MRTFA: variants seen among roughly 807,000 people sequenced by gnomAD.
MRTFA encodes myocardin related transcription factor A, also known as myocardin-related transcription factor A.
In MRTFA, 20 loss-of-function variants were observed where a neutral mutation model predicts 83.5. The ratio of observed to expected loss-of-function variants is 0.24; its 90% CI spans 0.17 to 0.35. MRTFA has a LOEUF of 0.35. MRTFA is among the 10% of genes least tolerant of loss of function. The probability of loss-of-function intolerance (pLI) is 1.00; values close to 1 mark genes in which losing one functional copy is unlikely to be tolerated. For missense variants in MRTFA, 1,200 were observed against 1,224.7 expected (o/e 0.98, Z 0.30); for synonymous variants, 659 against 541.2 (o/e 1.22, Z -3.02).
At chr22:40,461,569 G>A (rs1477409216) in intron 4 of MRTFA, among the ~76,000 whole-genome samples, 1 of 150,150 alleles carries the variant, frequency 6.7e-6, no homozygotes, top group Non-Finnish European at 1.5e-5. Context: ...AGGATCACGA[G>A]GCCAAGAGAT....
At chr22:40,470,229 TTTTATATATATATATATATATA>T (rs1326451087) in intron 3 of MRTFA, among the ~76,000 whole-genome samples, 1,840 of 58,756 alleles carry the variant, frequency 0.031, 65 homozygotes, top group East Asian at 0.077. Context: ...ATCTCCAAAA[TTTTATATATATATATATATATA>T]TATATATATA....
At chr22:40,471,000 T>C (rs2053901130) in intron 3 of MRTFA, among the ~76,000 whole-genome samples, 1 of 151,684 alleles carries the variant, frequency 6.6e-6, no homozygotes, top group Non-Finnish European at 1.5e-5. Context: ...TCAATAGTCA[T>C]AAAAGTTTGT....
Position 40,419,086 on chromosome 22 carries a change from G to A in MRTFA, c.1652C>T (p.Pro551Leu). The change falls in exon 12 of 15, where the codon CCC becomes CTC. Residue 551 changes from proline (P) to leucine (L), a missense_variant. Physicochemically the swap from Pro to Leu is moderately conservative, Grantham distance 98. This residue lies in a region of MRTFA where 1,107 missense variants were observed against 1,041.8 expected (regional missense o/e 1.06). Coordinates refer to ENST00000355630, the MANE Select transcript of MRTFA (RefSeq NM_020831.6). ...CTCCGAGGGGGTGGGAGACACGGGG[G>A]GCGTGGAGCCCGTGCTGCCAAACTT... 1.9e-6 allele frequency: 3 copies of A among 1,603,970 alleles called. No individual in the cohort carries two copies. The highest frequency in any genetic ancestry group is 2.6e-6 in the Non-Finnish European group (3 of 1,175,900).
chr22:40,565,357 G>A (rs2055687368), intron 2 of MRTFA, among the ~76,000 whole-genome samples: 1 of 152,160 alleles, frequency 6.6e-6, no homozygotes, highest in Admixed American at 6.5e-5. Flanking sequence ...GACCAGCCTG[G>A]CCAATACAGT....
chr22:40,415,999 C>A (rs932870081), intron 14 of MRTFA, among the ~76,000 whole-genome samples: 2 of 152,160 alleles, frequency 1.3e-5, no homozygotes, highest in Non-Finnish European at 2.9e-5. Flanking sequence ...TGTGACAACA[C>A]TCCAACTCCT....
At chr22:40,424,437 G>A in intron 7 of MRTFA, 56 bp from the exon 8 acceptor site, 1 of 1,579,960 alleles carries the variant, frequency 6.3e-7, no homozygotes, top group Non-Finnish European at 8.6e-7. Context: ...CAGATGAGCA[G>A]GGACAGGCCT....
rs1163877089 is a variant in MRTFA, at chr22:40,545,007, T to C, written c.241+7099A>G. Among the ~76,000 whole-genome samples the C allele has an allele frequency of 4.6e-5, 7 of 151,142 alleles. No homozygotes were observed. In the South Asian group the frequency reaches 1.5e-3, roughly 31 times the overall value. On this transcript the variant is annotated intron_variant, in intron 3 of 14. Transcript: ENST00000355630. Reference sequence around the variant, plus strand: ...AACGGAAAGTGATTTCTTTTACCAATTTTATATATATACATAAAATCATTG... The same window carrying C: ...AACGGAAAGTGATTTCTTTTACCAACTTTATATATATACATAAAATCATTG...
intron 3 of MRTFA, among the ~76,000 whole-genome samples, chr22:40,531,766 G>A (rs2055086231): frequency 1.3e-5 from 2 of 152,144 alleles, no homozygotes; most frequent in South Asian, 2.1e-4. Flanking sequence ...CATAAAGAGA[G>A]ACAGTATTTT....
chr22:40,547,724 G>A (rs182769460), intron 3 of MRTFA, among the ~76,000 whole-genome samples: 7 of 151,928 alleles, frequency 4.6e-5, no homozygotes, highest in East Asian at 1.9e-4. Context: ...GCGTGGTGGC[G>A]TACGCCTGTA....
At chr22:40,586,732 G>GT (rs778185871) in intron 2 of MRTFA, 713 of 281,666 alleles carry the variant, frequency 2.5e-3, no homozygotes, top group South Asian at 4.7e-3. Context: ...TCTGTGGTAG[G>GT]TTTTTTTTTC....
chr22:40,418,920 C>G lies in MRTFA; in HGVS notation c.1818G>C (p.Gly606=). ...GCCCCCCAGGGCTCAGGCAACAGGA[C>G]CCGGCCCGGGGGCCCTCCTCCTTCA... Residue 606 remains glycine (G), a synonymous_variant, in exon 12 of 15, where the codon GGG becomes GGC. Coordinates refer to ENST00000355630, the MANE Select transcript of MRTFA (RefSeq NM_020831.6). 1 of 1,612,834 alleles carries G rather than the reference C, an allele frequency of 6.2e-7. No homozygotes were observed. The highest frequency in any genetic ancestry group is 1.1e-5 in the South Asian group (1 of 91,086).
At chr22:40,525,714 C>T (rs1266380913) in intron 3 of MRTFA, among the ~76,000 whole-genome samples, 3 of 152,058 alleles carry the variant, frequency 2.0e-5, no homozygotes, top group African/African-American at 7.2e-5. Context: ...GCACGCTATA[C>T]AAATATTTAC....
intron 4 of MRTFA, among the ~76,000 whole-genome samples, chr22:40,441,657 C>T (rs923620506): frequency 6.6e-6 from 1 of 151,862 alleles, no homozygotes; most frequent in Non-Finnish European, 1.5e-5. Context: ...CGTGGTGGTG[C>T]GCGCCTATAA....
chr22:40,519,704 T>TGTGA, intron 3 of MRTFA: 2 of 922,358 alleles, frequency 2.2e-6, no homozygotes, highest in South Asian at 1.7e-5. Flanking sequence ...CACTCATGGG[T>TGTGA]TCTGAAAAGC....
At chr22:40,423,041 C>T (rs2052874949) in intron 9 of MRTFA, among the ~76,000 whole-genome samples, 1 of 152,180 alleles carries the variant, frequency 6.6e-6, no homozygotes. Flanking sequence ...CTGAATTTAA[C>T]AGCAGACACC....
At chr22:40,548,909 T>C (rs2147307877) in intron 3 of MRTFA, among the ~76,000 whole-genome samples, 1 of 151,912 alleles carries the variant, frequency 6.6e-6, no homozygotes, top group Non-Finnish European at 1.5e-5. Flanking sequence ...AAAAAAATTA[T>C]ATCCAGGAAC....
At chr22:40,580,444 C>T (rs1002525004) in intron 2 of MRTFA, among the ~76,000 whole-genome samples, 16 of 152,172 alleles carry the variant, frequency 1.1e-4, no homozygotes, top group African/African-American at 3.6e-4. Context: ...ATCGATCCTC[C>T]CACCTTGATC....
intron 14 of MRTFA, among the ~76,000 whole-genome samples, chr22:40,414,442 A>G (rs150016946): frequency 6.6e-6 from 1 of 152,362 alleles, no homozygotes; most frequent in East Asian, 1.9e-4. Context: ...GTACACTGAC[A>G]TTCACAACAT....
chr22:40,473,340 T>C (rs8141598), intron 3 of MRTFA, among the ~76,000 whole-genome samples: 1,887 of 152,208 alleles, frequency 0.012, 49 homozygotes, highest in African/African-American at 0.044. Flanking sequence ...TTAAATTTTT[T>C]TGTAGAGATG....
Sources: gnomAD v4.1 joint callset for allele counts (sites outside exome capture counted in the v4.1 genomes callset) on GRCh38, gnomAD v4.1.1 for gene constraint, gnomAD v4.1.1 regional missense constraint, MANE v1.5 for transcripts, NCBI Gene and HGNC (gene_info 2026-07-23, HGNC 2026-07-21) for gene names.